The following PCDHA8 variants were observed in gnomAD, a reference collection of about 807,000 sequenced individuals.
PCDHA8 encodes the protein protocadherin alpha 8, also known as protocadherin alpha-8.
A neutral mutation model predicts 61.8 loss-of-function variants in PCDHA8; 53 were observed. The ratio of observed to expected loss-of-function variants is 0.86; its 90% CI spans 0.69 to 1.08. PCDHA8 has a LOEUF of 1.08. Among genes scored for constraint, PCDHA8 ranks in the 50% least tolerant of loss-of-function variants. The probability of loss-of-function intolerance (pLI) is 0.00; values close to 1 mark genes in which losing one functional copy is unlikely to be tolerated. For synonymous variants in PCDHA8, 618 were observed against 556.6 expected, an observed-to-expected ratio of 1.11 and a Z score of -1.55; for missense variants, 1,293 against 1,245.0, an observed-to-expected ratio of 1.04 and a Z score of -0.58.
chr5:140,904,584 A>T (rs1434719463), intron 1 of PCDHA8, among the ~76,000 whole-genome samples: 1 of 152,088 alleles, frequency 6.6e-6, no homozygotes, highest in African/African-American at 2.4e-5. Context: ...GACACCCAGT[A>T]GTGGGACTGC....
intron 1 of PCDHA8, chr5:140,850,332 C>T (rs1349532162): frequency 1.3e-6 from 2 of 1,597,432 alleles, no homozygotes; most frequent in Admixed American, 1.7e-5. Context: ...CGAGCTGCAG[C>T]CAGAAACGGC....
chr5:140,878,516 G>C (rs2057626740), intron 1 of PCDHA8, among the ~76,000 whole-genome samples: 1 of 152,122 alleles, frequency 6.6e-6, no homozygotes, highest in African/African-American at 2.4e-5. Context: ...CAGTACAGTT[G>C]GTAACCAACT....
intron 1 of PCDHA8, chr5:140,848,307 CTT>C (rs1781430296): frequency 1.4e-6 from 1 of 711,402 alleles, no homozygotes; most frequent in Non-Finnish European, 2.4e-6. Context: ...TGATGTCACT[CTT>C]TGCCGCGATG....
intron 1 of PCDHA8, chr5:140,876,955 G>T (rs782751017): frequency 1.3e-5 from 21 of 1,613,390 alleles, no homozygotes; most frequent in Non-Finnish European, 1.7e-5. Context: ...CTACTCGCTG[G>T]TGGAGCGGCG....
At chr5:140,997,688 G>C (rs1232415745) in intron 3 of PCDHA8, among the ~76,000 whole-genome samples, 1 of 151,990 alleles carries the variant, frequency 6.6e-6, no homozygotes, top group Non-Finnish European at 1.5e-5. Context: ...GTGTGTGTGT[G>C]TGTGTGTGTA....
chr5:140,945,124 C>T (rs269553), intron 1 of PCDHA8, among the ~76,000 whole-genome samples: 48,193 of 151,846 alleles, frequency 0.32, 7,977 homozygotes, highest in East Asian at 0.53. Flanking sequence ...AAAAAATCAA[C>T]TTACAAAAAT....
intron 1 of PCDHA8, among the ~76,000 whole-genome samples, chr5:140,973,810 T>C (rs1179978402): frequency 6.6e-6 from 1 of 152,230 alleles, no homozygotes; most frequent in Non-Finnish European, 1.5e-5. Context: ...CTTGACAGAA[T>C]AGCAAAGTCA....
At chr5:140,881,382 C>A in intron 1 of PCDHA8, 1 of 984,112 alleles carries the variant, frequency 1.0e-6, no homozygotes, top group Non-Finnish European at 1.2e-6. Context: ...CAGCCGGCGG[C>A]GGTAAGTTAA....
intron 1 of PCDHA8, among the ~76,000 whole-genome samples, chr5:140,905,837 G>A (rs1433117944): frequency 1.3e-5 from 2 of 152,148 alleles, no homozygotes; most frequent in African/African-American, 2.4e-5. Context: ...ATAAAGGGGA[G>A]TTTATTAAGG....
intron 1 of PCDHA8, chr5:140,871,241 C>G (rs782602807): frequency 3.7e-6 from 6 of 1,613,972 alleles, no homozygotes; most frequent in Non-Finnish European, 5.1e-6. Flanking sequence ...CTGGTACTCA[C>G]GCTGCTGCTG....
intron 1 of PCDHA8, among the ~76,000 whole-genome samples, chr5:140,845,729 T>C (rs952746067): frequency 6.7e-6 from 1 of 149,682 alleles, no homozygotes; most frequent in Non-Finnish European, 1.5e-5. Flanking sequence ...TAAATGTGAA[T>C]TCTACTTTAT....
chr5:140,853,510 A>C (rs2042773943), intron 1 of PCDHA8: 2 of 977,306 alleles, frequency 2.0e-6, no homozygotes, highest in African/African-American at 1.8e-5. Context: ...TGAAACAATA[A>C]TGAAGCTCCT....
chr5:140,932,398 T>TA (rs1472151465), intron 1 of PCDHA8, among the ~76,000 whole-genome samples: 1 of 151,960 alleles, frequency 6.6e-6, no homozygotes, highest in Non-Finnish European at 1.5e-5. Flanking sequence ...AGTTTCAACA[T>TA]ACCAATGTTA....
rs781878255 is a variant in PCDHA8 at position 140,856,536 on chromosome 5, A to G, written c.2394+12821A>G. 8.1e-6 allele frequency: 13 copies of G among 1,598,388 alleles called. 1 individual carries two copies. The East Asian group carries it at 2.2e-4, about 27-fold the overall frequency. ...GGCGCATCTGATGCGGATGTTGGAG[A>G]GAACGCATTGCTTACTTACAAACTC... is the stretch of plus-strand genomic sequence containing the variant. On this transcript the variant is annotated intron_variant, in intron 1 of 3. Transcript: ENST00000531613.
chr5:140,874,211 A>G (rs1257270226), intron 1 of PCDHA8, among the ~76,000 whole-genome samples: 1 of 152,220 alleles, frequency 6.6e-6, no homozygotes, highest in African/African-American at 2.4e-5. Context: ...CTTTATTATT[A>G]TATGCAGTAG....
chr5:140,891,378 T>C (rs141028628), intron 1 of PCDHA8, among the ~76,000 whole-genome samples: 2 of 152,104 alleles, frequency 1.3e-5, no homozygotes, highest in African/African-American at 4.8e-5. Context: ...CATTGCACCA[T>C]ATTTGCAATC....
chr5:140,853,985 G>A (rs1007400515), intron 1 of PCDHA8: 2 of 520,646 alleles, frequency 3.8e-6, no homozygotes, highest in East Asian at 1.4e-4. Context: ...CCAATGTAGT[G>A]AGACTCATCT....
chr5:140,947,549 C>T (rs530708816), intron 1 of PCDHA8, among the ~76,000 whole-genome samples: 11 of 151,312 alleles, frequency 7.3e-5, no homozygotes, highest in Admixed American at 2.0e-4. Context: ...CAAAGAATTC[C>T]GCTGGGATTT....
At chr5:140,935,374 T>A (rs2090335210) in intron 1 of PCDHA8, among the ~76,000 whole-genome samples, 1 of 152,248 alleles carries the variant, frequency 6.6e-6, no homozygotes. Flanking sequence ...GTCAACAGAA[T>A]TACTCATTTG....
Sources: allele counts gnomAD v4.1 joint callset (sites outside exome capture counted in the v4.1 genomes callset), GRCh38; gene constraint gnomAD v4.1.1; transcripts MANE v1.5; gene names NCBI Gene and HGNC (gene_info 2026-07-23, HGNC 2026-07-21).